FLI1: variants seen among roughly 807,000 people sequenced by gnomAD.
The protein encoded by FLI1 is Fli-1 proto-oncogene, ETS transcription factor, also known as Friend leukemia integration 1 transcription factor.
A neutral mutation model predicts 53.1 loss-of-function variants in FLI1; 13 were observed. That is an observed-to-expected ratio of 0.24 (90% confidence interval 0.16 to 0.39). FLI1 has a LOEUF of 0.39. FLI1 is among the 10% of genes least tolerant of loss of function. The pLI, the probability that FLI1 is intolerant of heterozygous loss-of-function variation, is 1.00. For missense variants in FLI1, 424 were observed against 600.5 expected, an observed-to-expected ratio of 0.71 and a Z score of 3.07; for synonymous variants, 244 against 236.7, an observed-to-expected ratio of 1.03 and a Z score of -0.28.
At chr11:128,741,346 T>C (rs1195929518) in intron 1 of FLI1, among the ~76,000 whole-genome samples, 1 of 152,144 alleles carries the variant, frequency 6.6e-6, no homozygotes, top group Non-Finnish European at 1.5e-5. Context: ...TGAGCTGAGA[T>C]CGTGCCAGTG....
chr11:128,695,038 C>T (rs1937990238), intron 1 of FLI1, among the ~76,000 whole-genome samples: 1 of 151,976 alleles, frequency 6.6e-6, no homozygotes, highest in African/African-American at 2.4e-5. Flanking sequence ...CGTGCGCCGG[C>T]TCCAGGACCA....
intron 1 of FLI1, among the ~76,000 whole-genome samples, chr11:128,721,504 C>T (rs1302877606): frequency 6.6e-6 from 1 of 152,194 alleles, no homozygotes; most frequent in African/African-American, 2.4e-5. Context: ...TGTCCTTAGC[C>T]TATTCCCAAC....
chr11:128,807,516 G>A (rs1326495259), intron 7 of FLI1, among the ~76,000 whole-genome samples: 2 of 152,162 alleles, frequency 1.3e-5, no homozygotes, highest in South Asian at 2.1e-4. Context: ...GGGAGGTGAA[G>A]TGACTTGCTA....
At chr11:128,726,880 C>T (rs867158527) in intron 1 of FLI1, among the ~76,000 whole-genome samples, 5 of 151,934 alleles carry the variant, frequency 3.3e-5, no homozygotes, top group East Asian at 1.9e-4. Flanking sequence ...AATGACAGAA[C>T]GCTTCAAGGA....
intron 1 of FLI1, among the ~76,000 whole-genome samples, chr11:128,703,999 G>A (rs939350758): frequency 3.9e-5 from 6 of 152,158 alleles, no homozygotes; most frequent in Admixed American, 3.3e-4. Flanking sequence ...GCTGGCCTAG[G>A]ATCCGGAGAC....
At chr11:128,760,520 C>CTT (rs1179242159) in intron 2 of FLI1, among the ~76,000 whole-genome samples, 387 of 103,526 alleles carry the variant, frequency 3.7e-3, no homozygotes, top group Non-Finnish European at 5.4e-3. Flanking sequence ...GTGGAGATTC[C>CTT]TTTTTTTTTT....
chr11:128,759,120 A>C (rs1941008566), intron 2 of FLI1, among the ~76,000 whole-genome samples: 1 of 152,222 alleles, frequency 6.6e-6, no homozygotes, highest in South Asian at 2.1e-4. Flanking sequence ...ACGCGTTAGG[A>C]AAGTGCTCTA....
intron 3 of FLI1, among the ~76,000 whole-genome samples, chr11:128,768,849 G>T (rs966436039): frequency 2.6e-5 from 4 of 152,172 alleles, no homozygotes; most frequent in African/African-American, 7.2e-5. Context: ...CCTCAAGGAC[G>T]GGCTGCTCAG....
rs77867225 is a variant in FLI1, at chr11:128,722,636, T to G, written c.18+28360T>G. Among the ~76,000 whole-genome samples, 277 of 152,336 alleles carry G rather than the reference T, an allele frequency of 1.8e-3. 9 individuals are homozygous for G. The East Asian group carries it at 0.048, about 26-fold the overall frequency. ...AACTATCTTCCAAAAATGTATAAAT[T>G]ATCAAAGATGTATTCTATAACAAAA... On this transcript the variant is annotated intron_variant, in intron 1 of 8. Coordinates refer to ENST00000527786, the MANE Select transcript of FLI1 (RefSeq NM_002017.5).
chr11:128,796,831 C>T (rs536817464), intron 5 of FLI1, among the ~76,000 whole-genome samples: 1 of 152,272 alleles, frequency 6.6e-6, no homozygotes, highest in African/African-American at 2.4e-5. Context: ...AAAAATCAGC[C>T]AGGCATGGTG....
chr11:128,762,829 G>T (rs890167189), intron 2 of FLI1, among the ~76,000 whole-genome samples: 1 of 152,128 alleles, frequency 6.6e-6, no homozygotes, highest in Non-Finnish European at 1.5e-5. Context: ...GGTGGCGCAT[G>T]CCTGTAATCC....
At chr11:128,711,796 C>A (rs1386329363) in intron 1 of FLI1, among the ~76,000 whole-genome samples, 1 of 152,214 alleles carries the variant, frequency 6.6e-6, no homozygotes, top group Non-Finnish European at 1.5e-5. Flanking sequence ...ATACTATTAA[C>A]AGATGGTTTG....
chr11:128,716,043 G>T (rs1016880510), intron 1 of FLI1, among the ~76,000 whole-genome samples: 2 of 152,212 alleles, frequency 1.3e-5, no homozygotes, highest in Non-Finnish European at 2.9e-5. Flanking sequence ...CATTTGCATG[G>T]TTAGAAGTCA....
intron 1 of FLI1, among the ~76,000 whole-genome samples, chr11:128,688,269 C>A (rs924500339): frequency 6.6e-6 from 1 of 152,216 alleles, no homozygotes; most frequent in African/African-American, 2.4e-5. Flanking sequence ...AGGGACAAAG[C>A]GGAGGCGAGG....
At chr11:128,791,434 GCACCC>G (rs1444262747) in intron 5 of FLI1, among the ~76,000 whole-genome samples, 1 of 152,120 alleles carries the variant, frequency 6.6e-6, no homozygotes, top group Non-Finnish European at 1.5e-5. Flanking sequence ...ACGGTCTTGT[GCACCC>G]TTCCCCAGGA....
rs546932140 is a variant in FLI1, at chr11:128,790,099, C to G, written c.655+8076C>G. On this transcript the variant is annotated intron_variant, in intron 5 of 8. Transcript: ENST00000527786. Reference sequence around the variant, plus strand: ...GTGTGTGTGTGTGTGTGTGTGTGCACGCGTGCTGTTTCTGTGGTCCAAAGG... The same window carrying G: ...GTGTGTGTGTGTGTGTGTGTGTGCAGGCGTGCTGTTTCTGTGGTCCAAAGG... 3.8e-4 allele frequency among the ~76,000 whole-genome samples: 43 copies of G among 113,458 alleles called. No homozygotes were observed. In the East Asian group the frequency reaches 9.9e-3, roughly 26 times the overall value. The allele number at this position is 113,458 out of a possible 152,430, so 74.4% of individuals were successfully genotyped here. A position where few individuals can be genotyped will look rare whatever the true frequency, so the allele number is the denominator to read the frequency against.
intron 1 of FLI1, among the ~76,000 whole-genome samples, chr11:128,705,437 C>T (rs73571670): frequency 2.2e-3 from 328 of 152,290 alleles, no homozygotes; most frequent in Non-Finnish European, 3.1e-3. Context: ...CTCCTCTACC[C>T]TTGTACCTTC....
chr11:128,752,435 A>G (rs1940687332), intron 1 of FLI1, among the ~76,000 whole-genome samples: 5 of 152,240 alleles, frequency 3.3e-5, no homozygotes, highest in Admixed American at 2.0e-4. Context: ...AAATTGTACT[A>G]GATGCGTAAT....
intron 5 of FLI1, among the ~76,000 whole-genome samples, chr11:128,788,361 C>T (rs943634150): frequency 6.6e-6 from 1 of 151,772 alleles, no homozygotes; most frequent in Non-Finnish European, 1.5e-5. Flanking sequence ...CCCAGCTACC[C>T]GGGAGGCTGA....
Sources: gnomAD v4.1 joint callset for allele counts (sites outside exome capture counted in the v4.1 genomes callset) on GRCh38, gnomAD v4.1.1 for gene constraint, MANE v1.5 for transcripts, NCBI Gene and HGNC (gene_info 2026-07-23, HGNC 2026-07-21) for gene names.